The following ESR1 variants were observed in gnomAD, a reference collection of about 807,000 sequenced individuals.
The protein encoded by ESR1 is estrogen receptor.
In ESR1, 12 loss-of-function variants were observed where a neutral mutation model predicts 52.7. That is an observed-to-expected ratio of 0.23 (90% CI 0.15 to 0.37). ESR1 has a LOEUF of 0.37. ESR1 is among the 10% of genes least tolerant of loss of function. The probability of loss-of-function intolerance (pLI) is 1.00; values close to 1 mark genes in which losing one functional copy is unlikely to be tolerated. For missense variants in ESR1, 584 were observed against 779.7 expected (o/e 0.75, Z 2.99); for synonymous variants, 305 against 316.8 (o/e 0.96, Z 0.39).
intron 1 of ESR1, among the ~76,000 whole-genome samples, chr6:151,823,921 A>G (rs1781026113): frequency 6.6e-6 from 1 of 152,162 alleles, no homozygotes; most frequent in Admixed American, 6.5e-5. Context: ...GTATAGTGCC[A>G]CAATAAACAT....
intron 6 of ESR1, among the ~76,000 whole-genome samples, chr6:152,110,125 A>G (rs925071444): frequency 6.6e-6 from 1 of 152,230 alleles, no homozygotes; most frequent in African/African-American, 2.4e-5. Flanking sequence ...AAGGTCAGAA[A>G]TCTTGTGAAT....
chr6:151,792,271 T>C (rs1231964063), intron 2 of ESR1, among the ~76,000 whole-genome samples: 1 of 151,692 alleles, frequency 6.6e-6, no homozygotes, highest in African/African-American at 2.4e-5. Context: ...TCTGGGAGAG[T>C]CAGCGAATGG....
chr6:152,085,099 A>G (rs542256908), intron 6 of ESR1, among the ~76,000 whole-genome samples: 6 of 152,164 alleles, frequency 3.9e-5, no homozygotes, highest in Non-Finnish European at 7.3e-5. Flanking sequence ...CAAATCTCCT[A>G]TCTTCCTCTT....
At chr6:151,736,687 G>A (rs1196152566) in intron 2 of ESR1, among the ~76,000 whole-genome samples, 1 of 152,070 alleles carries the variant, frequency 6.6e-6, no homozygotes, top group Non-Finnish European at 1.5e-5. Flanking sequence ...CCCAGGTAGT[G>A]TTCTAAGGGG....
At chr6:152,124,991 A>T (rs1332677535) in intron 6 of ESR1, among the ~76,000 whole-genome samples, 1 of 152,224 alleles carries the variant, frequency 6.6e-6, no homozygotes. Context: ...TTCATTTTAC[A>T]GATGATGTGA....
intron 6 of ESR1, among the ~76,000 whole-genome samples, chr6:152,086,644 C>G (rs112080194): frequency 1.7e-4 from 26 of 150,304 alleles, no homozygotes; most frequent in African/African-American, 6.1e-4. Flanking sequence ...AAAATTATAC[C>G]AAGTTGAAAA....
At chr6:151,728,621 T>A (rs2128035517) in intron 2 of ESR1, among the ~76,000 whole-genome samples, 1 of 152,318 alleles carries the variant, frequency 6.6e-6, no homozygotes, top group South Asian at 2.1e-4. Flanking sequence ...GATGTATGTA[T>A]ACAACCATTA....
intron 2 of ESR1, among the ~76,000 whole-genome samples, chr6:151,796,137 G>A (rs574035542): frequency 6.6e-6 from 1 of 150,622 alleles, no homozygotes; most frequent in South Asian, 2.1e-4. Context: ...CTGCACGCCA[G>A]CCTGGGTGAC....
chr6:151,958,631 C>T (rs1172627746), intron 4 of ESR1, among the ~76,000 whole-genome samples: 1 of 152,154 alleles, frequency 6.6e-6, no homozygotes, highest in East Asian at 1.9e-4. Context: ...AGATTCTGTG[C>T]ACATGAGATT....
intron 4 of ESR1, among the ~76,000 whole-genome samples, chr6:151,947,213 G>C (rs933217688): frequency 1.3e-5 from 2 of 152,148 alleles, no homozygotes; most frequent in African/African-American, 4.8e-5. Context: ...CAGGTACTTG[G>C]GATGTTGAGG....
chr6:151,758,868 G>A (rs1212223325), intron 2 of ESR1, among the ~76,000 whole-genome samples: 1 of 152,048 alleles, frequency 6.6e-6, no homozygotes, highest in African/African-American at 2.4e-5. Flanking sequence ...ATGAAAAGGT[G>A]CCTCTCCTAG....
rs546478851 is a variant in ESR1 at position 152,057,782 on chromosome 6, A to G, written c.1236-3209A>G. 3.2e-4 allele frequency among the ~76,000 whole-genome samples: 49 copies of G among 152,176 alleles called. 1 individual carries two copies. Among genetic ancestry groups the G allele is most frequent in the African/African-American group, 8.9e-4 (37 of 41,546 alleles). The stretch of plus-strand genomic sequence containing the variant: ...TACACCATCCCTGAGGGCACAGTCT[A>G]CAGCTCCTAATGTGTGCTGTAGAGC... On this transcript the variant is annotated intron_variant, in intron 5 of 7. Coordinates refer to ENST00000206249, the MANE Select transcript of ESR1 (RefSeq NM_000125.4).
chr6:151,677,836 G>T lies in ESR1; in HGVS notation n.73+21073G>T, dbSNP rs188942142. ...GGGAGGAGGGTTTGGTATAAATTTG[G>T]AAGATTGTATTGTTTCAGATTTATT... On this transcript the variant is annotated intron_variant and non_coding_transcript_variant, in intron 1 of 2. Transcript: ENST00000473497. 8.2e-3 allele frequency among the ~76,000 whole-genome samples: 1,255 copies of T among 152,260 alleles called. 6 individuals are homozygous for T. Among genetic ancestry groups the T allele is most frequent in the Non-Finnish European group, 0.011 (773 of 68,018 alleles).
intron 1 of ESR1, among the ~76,000 whole-genome samples, chr6:151,825,166 G>C (rs575248722): frequency 1.1e-4 from 16 of 152,068 alleles, no homozygotes; most frequent in Non-Finnish European, 1.8e-4. Flanking sequence ...ACATTAAAGA[G>C]ATCTGCCCTC....
chr6:151,967,238 G>A (rs1256055373), intron 4 of ESR1, among the ~76,000 whole-genome samples: 2 of 151,990 alleles, frequency 1.3e-5, no homozygotes, highest in Non-Finnish European at 2.9e-5. Flanking sequence ...GAACATGCAG[G>A]TTTGTTACAT....
intron 4 of ESR1, among the ~76,000 whole-genome samples, chr6:152,003,396 GATTT>G (rs1197049228): frequency 2.7e-5 from 4 of 150,918 alleles, no homozygotes; most frequent in African/African-American, 7.3e-5. Context: ...ATATTTTAAT[GATTT>G]ATTTATCTGT....
At chr6:151,715,863 A>G (rs1183774849) in intron 2 of ESR1, among the ~76,000 whole-genome samples, 2 of 151,918 alleles carry the variant, frequency 1.3e-5, no homozygotes, top group East Asian at 1.9e-4. Flanking sequence ...TCTCCATCCA[A>G]TTTTGTTCCC....
chr6:151,797,860 A>G (rs772293358), intron 2 of ESR1, among the ~76,000 whole-genome samples: 1 of 152,094 alleles, frequency 6.6e-6, no homozygotes, highest in Non-Finnish European at 1.5e-5. Context: ...TCTTTTTTGT[A>G]TTTTATCAGT....
intron 5 of ESR1, among the ~76,000 whole-genome samples, chr6:152,057,006 A>G (rs963874460): frequency 6.6e-6 from 1 of 152,038 alleles, no homozygotes; most frequent in Non-Finnish European, 1.5e-5. Context: ...ATCCATCCAT[A>G]CCCACTGAAA....
Sources: allele counts gnomAD v4.1 joint callset (sites outside exome capture counted in the v4.1 genomes callset), GRCh38; gene constraint gnomAD v4.1.1; transcripts MANE v1.5; gene names NCBI Gene and HGNC (gene_info 2026-07-23, HGNC 2026-07-21).